UNC5D: variants seen among roughly 807,000 people sequenced by gnomAD.
UNC5D encodes the protein unc-5 netrin receptor D.
In UNC5D, 39 loss-of-function variants were observed where a neutral mutation model predicts 105.4. The ratio of observed to expected loss-of-function variants is 0.37; its 90% CI spans 0.29 to 0.48. UNC5D has a LOEUF of 0.48. Ranked by LOEUF, UNC5D falls within the 20% of genes least tolerant of loss-of-function variation. UNC5D has a pLI of 0.98. For synonymous variants in UNC5D, 452 were observed against 450.4 expected, an observed-to-expected ratio of 1.00 and a Z score of -0.04; for missense variants, 991 against 1,202.4, an observed-to-expected ratio of 0.82 and a Z score of 2.60.
chr8:35,698,385 T>A (rs528153355), intron 7 of UNC5D, among the ~76,000 whole-genome samples: 5 of 152,112 alleles, frequency 3.3e-5, no homozygotes, highest in Non-Finnish European at 7.4e-5. Flanking sequence ...CTAATTAAAC[T>A]TTTTACCCCT....
At chr8:35,412,843 A>G (rs146915885) in intron 1 of UNC5D, among the ~76,000 whole-genome samples, 226 of 152,212 alleles carry the variant, frequency 1.5e-3, no homozygotes, top group Middle Eastern at 6.8e-3. Context: ...TCCAACTCCC[A>G]GGACTAGTAA....
At position 35,515,222 on chromosome 8, in the gene UNC5D, T is replaced by C. The variant is rs576931813; in HGVS notation, c.104-34070T>C. ...GATCTGAATTAATTGCCTGAAATTA[T>C]TGTTGTTCATCTTCTTGGTAAATGG... On this transcript the variant is annotated intron_variant, in intron 1 of 16. Transcript: ENST00000404895. 2.0e-5 allele frequency among the ~76,000 whole-genome samples: 3 copies of C among 152,358 alleles called. No individual in the cohort carries two copies. The South Asian group carries it at 6.2e-4, about 32-fold the overall frequency.
chr8:35,723,439 G>A (rs1315955552), intron 9 of UNC5D, among the ~76,000 whole-genome samples: 1 of 152,142 alleles, frequency 6.6e-6, no homozygotes, highest in African/African-American at 2.4e-5. Flanking sequence ...TTTTTAAGTG[G>A]TGTTACTCAA....
intron 4 of UNC5D, among the ~76,000 whole-genome samples, chr8:35,612,252 A>G (rs1319886300): frequency 2.0e-5 from 3 of 152,232 alleles, no homozygotes; most frequent in Admixed American, 6.5e-5. Flanking sequence ...GTTTTTGTCA[A>G]TGCAGTACAG....
At chr8:35,449,131 G>A (rs564169628) in intron 1 of UNC5D, among the ~76,000 whole-genome samples, 1 of 152,222 alleles carries the variant, frequency 6.6e-6, no homozygotes, top group Non-Finnish European at 1.5e-5. Flanking sequence ...CTTTGATATC[G>A]TGAAGAGTGT....
At chr8:35,627,324 G>A (rs373674690) in intron 4 of UNC5D, among the ~76,000 whole-genome samples, 2 of 152,074 alleles carry the variant, frequency 1.3e-5, no homozygotes, top group Non-Finnish European at 2.9e-5. Flanking sequence ...AATTAATCTC[G>A]TAATTTCTGA....
chr8:35,361,471 C>T (rs1273867272), intron 1 of UNC5D, among the ~76,000 whole-genome samples: 1 of 152,140 alleles, frequency 6.6e-6, no homozygotes, highest in Non-Finnish European at 1.5e-5. Flanking sequence ...CAAAAAAGGT[C>T]ATTCGTCTAA....
intron 4 of UNC5D, among the ~76,000 whole-genome samples, chr8:35,607,587 G>A (rs1055579016): frequency 2.0e-5 from 3 of 152,266 alleles, no homozygotes; most frequent in South Asian, 2.1e-4. Context: ...GAGACCAGGT[G>A]GAGATCATTG....
chr8:35,413,292 T>TTG lies in UNC5D; in HGVS notation c.104-135984_104-135983dup, dbSNP rs1554525296. Among the ~76,000 whole-genome samples, 79 of 127,970 alleles carry TTG rather than the reference T, an allele frequency of 6.2e-4. 1 individual carries two copies. The highest frequency in any genetic ancestry group is 7.7e-4 in the African/African-American group (25 of 32,676). 84.0% of individuals were successfully genotyped at this position (127,970 alleles called of 152,430 possible). ...GTGTGTGTGTGTGTGTGTGTGTGTG[T>TTG]TGTGTGTGTGTGTGTGTTTTCTCTC... is the stretch of plus-strand genomic sequence containing the variant. On this transcript the variant is annotated intron_variant, in intron 1 of 16. Transcript: ENST00000404895.
At chr8:35,505,134 T>C (rs1010934086) in intron 1 of UNC5D, among the ~76,000 whole-genome samples, 5 of 152,210 alleles carry the variant, frequency 3.3e-5, no homozygotes, top group African/African-American at 9.6e-5. Context: ...AAATCTCACG[T>C]AATCAAGAAA....
At chr8:35,540,993 T>C (rs1815234768) in intron 1 of UNC5D, among the ~76,000 whole-genome samples, 1 of 152,076 alleles carries the variant, frequency 6.6e-6, no homozygotes, top group Admixed American at 6.5e-5. Flanking sequence ...TAGTGGTTAC[T>C]CTGTGTCTGC....
chr8:35,363,732 T>C (rs991013112), intron 1 of UNC5D, among the ~76,000 whole-genome samples: 2 of 152,168 alleles, frequency 1.3e-5, no homozygotes, highest in African/African-American at 4.8e-5. Flanking sequence ...ATTTAGAAGT[T>C]ACAATTTTCC....
chr8:35,453,039 G>C (rs933010597), intron 1 of UNC5D, among the ~76,000 whole-genome samples: 3 of 152,150 alleles, frequency 2.0e-5, no homozygotes, highest in Non-Finnish European at 4.4e-5. Context: ...TGTCCTGCAG[G>C]CTTCTAGCTT....
At chr8:35,430,293 C>T (rs892798348) in intron 1 of UNC5D, among the ~76,000 whole-genome samples, 13 of 151,816 alleles carry the variant, frequency 8.6e-5, no homozygotes, top group African/African-American at 2.7e-4. Context: ...TCCAGATAGC[C>T]GAACATCTGG....
chr8:35,443,194 G>T (rs1293703221), intron 1 of UNC5D, among the ~76,000 whole-genome samples: 2 of 151,832 alleles, frequency 1.3e-5, no homozygotes, highest in Non-Finnish European at 2.9e-5. Flanking sequence ...ACACTGTACT[G>T]TGCTTTACCA....
At chr8:35,433,596 G>A (rs940034953) in intron 1 of UNC5D, among the ~76,000 whole-genome samples, 1 of 151,996 alleles carries the variant, frequency 6.6e-6, no homozygotes, top group Non-Finnish European at 1.5e-5. Context: ...GAACATAAAT[G>A]AATAGAATAT....
intron 1 of UNC5D, among the ~76,000 whole-genome samples, chr8:35,446,257 A>G (rs1008224653): frequency 1.3e-5 from 2 of 151,890 alleles, no homozygotes; most frequent in Non-Finnish European, 2.9e-5. Flanking sequence ...TTTTATTTGT[A>G]TGTGGGATTT....
chr8:35,434,561 G>T (rs913415359), intron 1 of UNC5D, among the ~76,000 whole-genome samples: 4 of 151,970 alleles, frequency 2.6e-5, no homozygotes, highest in African/African-American at 9.7e-5. Flanking sequence ...ATAAATTAAA[G>T]TTATCTTTTC....
intron 1 of UNC5D, among the ~76,000 whole-genome samples, chr8:35,470,601 CAA>C (rs143876201): frequency 0.79 from 94,106 of 119,754 alleles, 37,225 homozygotes; most frequent in Non-Finnish European, 0.88. Flanking sequence ...ACAAAAAATG[CAA>C]AAAAAAAAAA....
Sources: allele counts gnomAD v4.1 joint callset (sites outside exome capture counted in the v4.1 genomes callset), GRCh38; gene constraint gnomAD v4.1.1; transcripts MANE v1.5; gene names NCBI Gene and HGNC (gene_info 2026-07-23, HGNC 2026-07-21).